Variants in RPTOR observed in about 807,000 individuals in gnomAD.
RPTOR encodes regulatory associated protein of MTOR complex 1.
RPTOR carries 21 observed loss-of-function variants against 169.9 expected under a neutral mutation model. That is an observed-to-expected ratio of 0.12 (90% CI 0.09 to 0.18). The LOEUF (loss-of-function observed/expected upper bound fraction) is 0.18. Ranked by LOEUF, RPTOR falls within the 10% of genes least tolerant of loss-of-function variation. RPTOR has a pLI of 1.00. For synonymous variants in RPTOR, 732 were observed against 753.2 expected (o/e 0.97, Z 0.46); for missense variants, 1,133 against 1,855.9 (o/e 0.61, Z 7.16).
chr17:80,880,536 C>T (rs371691750), intron 14 of RPTOR, 47 bp downstream of exon 14: 18 of 1,558,838 alleles, frequency 1.2e-5, no homozygotes, highest in South Asian at 8.9e-5. Context: ...ACTCAGCACT[C>T]GCCTCTGCCC....
chr17:80,964,117 GGCATTTCC>G (rs1423365235), intron 33 of RPTOR, 137 bp from the exon 34 acceptor site: 3 of 700,676 alleles, frequency 4.3e-6, no homozygotes, highest in Non-Finnish European at 7.5e-6. Flanking sequence ...GGACCGGCCC[GGCATTTCC>G]GGGCCTGAGG....
At chr17:80,740,578 C>G (rs555260695) in intron 5 of RPTOR, among the ~76,000 whole-genome samples, 1 of 152,180 alleles carries the variant, frequency 6.6e-6, no homozygotes, top group Non-Finnish European at 1.5e-5. Context: ...TACGCTGTGA[C>G]TTAGTGAGTT....
chr17:80,692,388 C>A (rs2066000806), intron 3 of RPTOR, among the ~76,000 whole-genome samples: 1 of 152,184 alleles, frequency 6.6e-6, no homozygotes, highest in African/African-American at 2.4e-5. Context: ...GTGGCATGAT[C>A]TCGGCTCACC....
chr17:80,702,299 TC>T (rs1337491408), intron 3 of RPTOR, among the ~76,000 whole-genome samples: 1 of 152,168 alleles, frequency 6.6e-6, no homozygotes, highest in African/African-American at 2.4e-5. Flanking sequence ...TGCTGTCACA[TC>T]CTCCAAAACT....
At chr17:80,700,783 GAT>G (rs1567864823) in intron 3 of RPTOR, among the ~76,000 whole-genome samples, 3 of 120,352 alleles carry the variant, frequency 2.5e-5, no homozygotes, top group Non-Finnish European at 3.7e-5. Context: ...TAGAGATGAT[GAT>G]GGTGGTGGTG....
Position 80,730,757 on chromosome 17 carries a change from CT to C in RPTOR, c.654+52del. The C allele has an allele frequency of 2.5e-5, 17 of 691,858 alleles. No individual in the cohort carries two copies. The highest frequency in any genetic ancestry group is 3.6e-5 in the Non-Finnish European group (15 of 420,560). The allele number at this position is 691,858 out of a possible 1,614,324, so 42.9% of individuals were successfully genotyped here. A position where few individuals can be genotyped will look rare whatever the true frequency, so the allele number is the denominator to read the frequency against. On this transcript the variant is annotated intron_variant, in intron 5 of 33. Transcript: ENST00000306801. This position sits in a 1 kb window ranked among gnomAD's most constrained non-coding sequence, Gnocchi z 4.2. ...GGTGCTGGGTTTGGTTTTGTTTTCC[CT>C]GGGGGTGGGGTTTGGGTGGGGAGGT...
At position 80,730,544 on chromosome 17, in the gene RPTOR, T is replaced by C; in HGVS notation, c.508-16T>C. Reference sequence around the variant, plus strand: ...TGAGACGCACATGTAACGAGCGCACTTTGTGTGTTTTCTAGAACTACACGC... The same window carrying C: ...TGAGACGCACATGTAACGAGCGCACCTTGTGTGTTTTCTAGAACTACACGC... On this transcript the variant is annotated splice_polypyrimidine_tract_variant and intron_variant, in intron 4 of 33. Coordinates refer to ENST00000306801, the MANE Select transcript of RPTOR (RefSeq NM_020761.3). This position sits in a 1 kb window ranked among gnomAD's most constrained non-coding sequence, Gnocchi z 4.2. The C allele has an allele frequency of 1.2e-6, 2 of 1,611,698 alleles. 1 individual carries two copies. Among genetic ancestry groups the C allele is most frequent in the South Asian group, 2.2e-5 (2 of 91,060 alleles).
At position 80,962,531 on chromosome 17, in the gene RPTOR, G is replaced by T; in HGVS notation, c.3763G>T (p.Gly1255Trp). The change falls in exon 32 of 34, where the codon GGG becomes TGG. Residue 1255 changes from glycine (G) to tryptophan (W), a missense_variant. By Grantham distance (184) the Gly-to-Trp change is radical (BLOSUM62 -2). Coordinates refer to ENST00000306801, the MANE Select transcript of RPTOR (RefSeq NM_020761.3). ...ESVNVLQIVK[G>W]LTALDIHPQA... The stretch of plus-strand genomic sequence containing the variant: ...GGTAAATGTGCTTCAGATCGTGAAG[G>T]GGCTGACGGCCCTGGACATCCACCC... The T allele has an allele frequency of 6.2e-7, 1 of 1,613,810 alleles. No homozygotes were observed.
At chr17:80,922,061 C>T (rs887119748) in intron 21 of RPTOR, among the ~76,000 whole-genome samples, 1 of 152,222 alleles carries the variant, frequency 6.6e-6, no homozygotes, top group Admixed American at 6.5e-5. Context: ...TGCAGTCATT[C>T]TCTGACAGTT....
chr17:80,903,247 A>G (rs907882885), intron 20 of RPTOR, among the ~76,000 whole-genome samples: 8 of 152,232 alleles, frequency 5.3e-5, no homozygotes, highest in Admixed American at 3.3e-4. Context: ...GAAGCCCCGC[A>G]GGCCGCCTGT....
rs35637770 is a variant in RPTOR, at chr17:80,659,302, AG to A, written c.348+15495del. On this transcript the variant is annotated intron_variant, in intron 3 of 33. Coordinates refer to ENST00000306801, the MANE Select transcript of RPTOR (RefSeq NM_020761.3). This position sits in a 1 kb window ranked among gnomAD's most constrained non-coding sequence, Gnocchi z 4.3. ...GTGGGCTTCTGATCTGAATCCAAGA[AG>A]GGTTAGGAATACCTTAGCCAGTTTC... 0.32 allele frequency among the ~76,000 whole-genome samples: 48,497 copies of A among 151,968 alleles called. 8,204 individuals carry two copies. Among genetic ancestry groups the A allele is most frequent in the Non-Finnish European group, 0.38 (25,979 of 67,906 alleles).
intron 6 of RPTOR, among the ~76,000 whole-genome samples, chr17:80,778,112 T>G (rs2066908301): frequency 6.6e-6 from 1 of 152,202 alleles, no homozygotes; most frequent in African/African-American, 2.4e-5. Context: ...AAAAATACTG[T>G]TTTTCATGGA....
At chr17:80,597,337 G>A (rs866339722) in intron 1 of RPTOR, among the ~76,000 whole-genome samples, 13 of 152,250 alleles carry the variant, frequency 8.5e-5, no homozygotes, top group Middle Eastern at 3.4e-3. Context: ...GCTTTTTCAT[G>A]GAACTGTGTG....
At chr17:80,644,756 T>C (rs1012296446) in intron 3 of RPTOR, among the ~76,000 whole-genome samples, 7 of 152,202 alleles carry the variant, frequency 4.6e-5, no homozygotes, top group East Asian at 3.8e-4. Flanking sequence ...TTTACATTCT[T>C]AGAGTAAGAG....
At chr17:80,740,094 C>A (rs2143248600) in intron 5 of RPTOR, among the ~76,000 whole-genome samples, 1 of 152,122 alleles carries the variant, frequency 6.6e-6, no homozygotes, top group East Asian at 1.9e-4. Context: ...ATCCTGCAGC[C>A]ATTTAAATAA....
chr17:80,603,172 A>G (rs1297935792), intron 1 of RPTOR, among the ~76,000 whole-genome samples: 2 of 152,228 alleles, frequency 1.3e-5, no homozygotes, highest in Admixed American at 1.3e-4. Context: ...ACTTTTACCC[A>G]GACAATGTAA....
chr17:80,851,030 G>A (rs993654549), intron 11 of RPTOR, among the ~76,000 whole-genome samples: 7 of 152,178 alleles, frequency 4.6e-5, no homozygotes, highest in Admixed American at 4.6e-4. Flanking sequence ...CTGGGGTCAG[G>A]CCACCCTCCT....
At chr17:80,951,388 G>C (rs2069176132) in intron 28 of RPTOR, among the ~76,000 whole-genome samples, 1 of 152,232 alleles carries the variant, frequency 6.6e-6, no homozygotes, top group South Asian at 2.1e-4. Context: ...AGACCCTCCA[G>C]TGCTTCCTTC....
chr17:80,730,768 G>GGGT lies in RPTOR; in HGVS notation c.654+62_654+63insGGT. 9.0e-6 allele frequency: 5 copies of GGGT among 555,470 alleles called. No individual in the cohort carries two copies. The highest frequency in any genetic ancestry group is 1.3e-5 in the Non-Finnish European group (4 of 302,868). 34.4% of individuals were successfully genotyped at this position (555,470 alleles called of 1,614,324 possible). A position where few individuals can be genotyped will look rare whatever the true frequency, so the allele number is the denominator to read the frequency against. On this transcript the variant is annotated intron_variant, in intron 5 of 33. Transcript: ENST00000306801. This position sits in a 1 kb window ranked among gnomAD's most constrained non-coding sequence, Gnocchi z 4.2. ...TGGTTTTGTTTTCCCTGGGGGTGGG[G>GGGT]TTTGGGTGGGGAGGTTGGGAGGTGT...
Sources: gnomAD v4.1 joint callset for allele counts (sites outside exome capture counted in the v4.1 genomes callset) on GRCh38, gnomAD v4.1.1 for gene constraint, Gnocchi (gnomAD v3.1) non-coding constraint, MANE v1.5 for transcripts, NCBI Gene and HGNC (gene_info 2026-07-23, HGNC 2026-07-21) for gene names.